SHC3: variants seen among roughly 807,000 people sequenced by gnomAD.
SHC3 encodes the protein SHC-transforming protein 3.
SHC3 carries 15 observed loss-of-function variants against 60.4 expected under a neutral mutation model. That is an observed-to-expected ratio of 0.25 (90% CI 0.17 to 0.38). The LOEUF (loss-of-function observed/expected upper bound fraction) is 0.38. Ranked by LOEUF, SHC3 falls within the 10% of genes least tolerant of loss-of-function variation. SHC3 has a pLI of 1.00. For missense variants in SHC3, 677 were observed against 786.1 expected (o/e 0.86, Z 1.66); for synonymous variants, 294 against 325.9 (o/e 0.90, Z 1.05).
chr9:89,178,339 G>C lies in SHC3; in HGVS notation c.122C>G (p.Pro41Arg). 2 of 1,594,990 alleles carry C rather than the reference G, an allele frequency of 1.3e-6. No individual in the cohort carries two copies. The highest frequency in any genetic ancestry group is 1.7e-4 in the Middle Eastern group (1 of 6,002). The change falls in exon 1 of 12, where the codon CCG becomes CGG. Residue 41 changes from proline (P) to arginine (R), a missense_variant. Pro to Arg is a moderately radical substitution (Grantham distance 103). Transcript: ENST00000375835. The surrounding 1 kb of genome is among the most constrained non-coding windows in gnomAD (Gnocchi z 6.9). ...GGKVSAARAT[P>R]AAAPYLVSGE... The stretch of plus-strand genomic sequence containing the variant: ...GGACACCAAGTAGGGAGCCGCCGCC[G>C]GGGTCGCGCGCGCCGCCGAAACCTT...
chr9:89,133,519 C>T (rs926520197), intron 1 of SHC3, among the ~76,000 whole-genome samples: 1 of 152,154 alleles, frequency 6.6e-6, no homozygotes, highest in Non-Finnish European at 1.5e-5. Context: ...ACCAAATGTC[C>T]ACCAAGGATA....
intron 2 of SHC3, among the ~76,000 whole-genome samples, chr9:89,082,417 G>T (rs1336215102): frequency 1.3e-5 from 2 of 152,184 alleles, no homozygotes; most frequent in Admixed American, 6.5e-5. Context: ...GAGGGCAGTT[G>T]CTCCTCAAAC....
chr9:89,059,206 CGGTGGTGGAGGAT>C (rs1250902698), intron 6 of SHC3, among the ~76,000 whole-genome samples: 7 of 65,140 alleles, frequency 1.1e-4, no homozygotes, highest in East Asian at 6.9e-4. Flanking sequence ...TGGTGGAGGA[CGGTGGTGGAGGAT>C]GGTGGTGGAG....
intron 7 of SHC3, among the ~76,000 whole-genome samples, chr9:89,047,563 C>T (rs1443349986): frequency 6.6e-6 from 1 of 152,004 alleles, no homozygotes; most frequent in East Asian, 1.9e-4. Flanking sequence ...AAAGACAACC[C>T]GATCTTAAAA....
At chr9:89,065,273 G>A (rs1825159547) in intron 6 of SHC3, among the ~76,000 whole-genome samples, 1 of 152,156 alleles carries the variant, frequency 6.6e-6, no homozygotes, top group African/African-American at 2.4e-5. Flanking sequence ...ATATGGGCAG[G>A]GGCTGTTTGT....
At chr9:89,106,408 T>G (rs1289379671) in intron 2 of SHC3, among the ~76,000 whole-genome samples, 1 of 152,216 alleles carries the variant, frequency 6.6e-6, no homozygotes, top group Non-Finnish European at 1.5e-5. Flanking sequence ...CTGAGCCACA[T>G]GGACAGTCCC....
At position 89,045,746 on chromosome 9, in the gene SHC3, C is replaced by G; in HGVS notation, c.1201G>C (p.Gly401Arg). 1.2e-6 allele frequency: 2 copies of G among 1,614,018 alleles called. No individual in the cohort carries two copies. Reference sequence around the variant, plus strand: ...TCACCCATCTCACCTTGCCTCTCACCTTGCCTTAAAGGTGTTTGCTGCCAG... The same window carrying G: ...TCACCCATCTCACCTTGCCTCTCACGTTGCCTTAAAGGTGTTTGCTGCCAG... ...EDWQQTPLRQ[G>R]SSDIYSTPEG... The change falls in exon 9 of 12, where the codon GGG becomes CGG. Residue 401 changes from glycine to arginine, a missense_variant and splice_region_variant. By Grantham distance (125) the Gly-to-Arg change is moderately radical. Coordinates refer to ENST00000375835, the MANE Select transcript of SHC3 (RefSeq NM_016848.6).
intron 11 of SHC3, among the ~76,000 whole-genome samples, chr9:89,023,472 T>G (rs1238392796): frequency 6.6e-6 from 1 of 152,170 alleles, no homozygotes; most frequent in Non-Finnish European, 1.5e-5. Context: ...TGCAGCATAT[T>G]CTGATTTCCC....
chr9:89,019,476 G>A (rs1826162325), intron 11 of SHC3, among the ~76,000 whole-genome samples: 1 of 152,144 alleles, frequency 6.6e-6, no homozygotes. Flanking sequence ...AACTGCCTTT[G>A]TTCACAGATG....
intron 1 of SHC3, among the ~76,000 whole-genome samples, chr9:89,117,068 GT>G (rs1288369529): frequency 6.6e-6 from 1 of 152,184 alleles, no homozygotes; most frequent in Non-Finnish European, 1.5e-5. Flanking sequence ...GAAGAGTGAT[GT>G]GGTTACCACC....
rs1388226820 is a variant in SHC3 at position 89,131,373 on chromosome 9, A to G, written c.475-18747T>C. 3.9e-5 allele frequency among the ~76,000 whole-genome samples: 6 copies of G among 152,210 alleles called. No homozygotes were observed. In the South Asian group the frequency reaches 1.2e-3, roughly 32 times the overall value. ...ATTCCTTCTGAAACTATTCCAATCA[A>G]TAGAAAAAGAGAGAATCCTCCCTAA... On this transcript the variant is annotated intron_variant, in intron 1 of 11. Transcript: ENST00000375835.
chr9:89,039,030 C>A (rs1824630969), intron 10 of SHC3, among the ~76,000 whole-genome samples: 1 of 152,224 alleles, frequency 6.6e-6, no homozygotes, highest in African/African-American at 2.4e-5. Context: ...AGTAGCCAGG[C>A]ATGTCTAACT....
intron 11 of SHC3, among the ~76,000 whole-genome samples, chr9:89,035,851 ATGTGTGTGTGTGTGTG>A (rs34601277): frequency 3.9e-5 from 5 of 128,550 alleles, no homozygotes; most frequent in Non-Finnish European, 4.9e-5. Context: ...ATATATATAG[ATGTGTGTGTGTGTGTG>A]TGTGTGTGTG....
rs903206906 is a variant in SHC3, at chr9:89,104,190, C to T, written c.545+8366G>A. Among the ~76,000 whole-genome samples, 6 of 152,092 alleles carry T rather than the reference C, an allele frequency of 3.9e-5. No individual in the cohort carries two copies. The South Asian group carries it at 1.0e-3, about 26-fold the overall frequency. On this transcript the variant is annotated intron_variant, in intron 2 of 11. Coordinates refer to ENST00000375835, the MANE Select transcript of SHC3 (RefSeq NM_016848.6). ...TCAATTGAAAAAAAAAATAAACAGA[C>T]TCGTTTTCAAAGCTGTGGTTTCATA...
intron 1 of SHC3, among the ~76,000 whole-genome samples, chr9:89,133,120 CAGA>C (rs1826271287): frequency 6.6e-6 from 1 of 152,216 alleles, no homozygotes; most frequent in Non-Finnish European, 1.5e-5. Flanking sequence ...AGACACTTCT[CAGA>C]AGAAGACATT....
At chr9:89,110,472 G>T (rs1331188) in intron 2 of SHC3, 200,442 of 977,192 alleles carry the variant, frequency 0.21, 21,348 homozygotes, top group African/African-American at 0.28. Flanking sequence ...CAGGTATGTT[G>T]AACACTTAGT....
At chr9:89,117,621 A>G (rs1826036725) in intron 1 of SHC3, among the ~76,000 whole-genome samples, 1 of 152,196 alleles carries the variant, frequency 6.6e-6, no homozygotes, top group Admixed American at 6.5e-5. Context: ...AAAGAAAATT[A>G]TGACTGTAGT....
intron 11 of SHC3, among the ~76,000 whole-genome samples, chr9:89,029,933 C>T (rs1042638215): frequency 5.3e-5 from 8 of 151,866 alleles, no homozygotes; most frequent in African/African-American, 1.9e-4. Context: ...TCATAAATAA[C>T]ATTAAATATG....
At position 89,020,871 on chromosome 9, in the gene SHC3, G is replaced by A. The variant is rs530085512; in HGVS notation, c.1657-7296C>T. On this transcript the variant is annotated intron_variant, in intron 11 of 11. Coordinates refer to ENST00000375835, the MANE Select transcript of SHC3 (RefSeq NM_016848.6). ...TGGGTGGAGCTCTGCCACTGGGTGC[G>A]GTACCTTGGTGATCCTCCAAAGTGC... is the stretch of plus-strand genomic sequence containing the variant. 6.8e-4 allele frequency among the ~76,000 whole-genome samples: 104 copies of A among 152,248 alleles called. 1 individual carries two copies. In the South Asian group the frequency reaches 6.8e-3, roughly 10 times the overall value.
Sources: allele counts gnomAD v4.1 joint callset (sites outside exome capture counted in the v4.1 genomes callset), GRCh38; gene constraint gnomAD v4.1.1; non-coding constraint Gnocchi (gnomAD v3.1); transcripts MANE v1.5; gene names NCBI Gene and HGNC (gene_info 2026-07-23, HGNC 2026-07-21).